MRTFB: variants seen among roughly 807,000 people sequenced by gnomAD.
MRTFB encodes myocardin related transcription factor B.
MRTFB carries 29 observed loss-of-function variants against 104.2 expected under a neutral mutation model. That is an observed-to-expected ratio of 0.28 (90% CI 0.21 to 0.38). The LOEUF is 0.38. Among genes scored for constraint, MRTFB ranks in the 10% least tolerant of loss-of-function variants. The pLI is 1.00. For synonymous variants in MRTFB, 535 were observed against 519.5 expected (o/e 1.03, Z -0.41); for missense variants, 1,270 against 1,341.6 (o/e 0.95, Z 0.83).
At chr16:14,240,910 G>T in intron 10 of MRTFB, 1 of 611,470 alleles carries the variant, frequency 1.6e-6, no homozygotes, top group Non-Finnish European at 2.9e-6. Flanking sequence ...TAGAAGGCTC[G>T]AGAAGGGCCT....
intron 3 of MRTFB, among the ~76,000 whole-genome samples, chr16:14,203,868 A>AT (rs1491284865): frequency 6.6e-6 from 1 of 151,972 alleles, no homozygotes; most frequent in Non-Finnish European, 1.5e-5. Flanking sequence ...GAGGAAAGAC[A>AT]TATCTTGGTT....
intron 13 of MRTFB, among the ~76,000 whole-genome samples, chr16:14,250,743 G>C (rs577182696): frequency 6.6e-6 from 1 of 152,336 alleles, no homozygotes; most frequent in South Asian, 2.1e-4. Context: ...TATGCCGCAA[G>C]GCTGCTGCAG....
chr16:14,251,055 GATT>G (rs1472313806), intron 13 of MRTFB, among the ~76,000 whole-genome samples: 1 of 152,146 alleles, frequency 6.6e-6, no homozygotes, highest in Admixed American at 6.5e-5. Context: ...AGTGGCTTGG[GATT>G]ATTAGCTTAG....
At chr16:14,240,195 G>A (rs1453104541) in intron 9 of MRTFB, 42 bp from the exon 10 acceptor site, 1 of 1,540,098 alleles carries the variant, frequency 6.5e-7, no homozygotes, top group Non-Finnish European at 8.7e-7. Flanking sequence ...ATTTTATGTG[G>A]TGACATCTCT....
At chr16:14,006,410 G>A in the MRTFB span, among the ~76,000 whole-genome samples, 1 of 151,848 alleles carries the variant, frequency 6.6e-6, no homozygotes. Context: ...TGGCTACTCC[G>A]GAGGCTGAGG....
intron 8 of MRTFB, 21 bp downstream of exon 8, chr16:14,219,019 A>G (rs2041561341): frequency 6.4e-7 from 1 of 1,557,648 alleles, no homozygotes; most frequent in African/African-American, 1.4e-5. Context: ...TCTGGTTTTG[A>G]CCCCTAAAGA....
the MRTFB span, among the ~76,000 whole-genome samples, chr16:14,000,197 C>T: frequency 6.6e-6 from 1 of 152,224 alleles, no homozygotes; most frequent in African/African-American, 2.4e-5. Flanking sequence ...GCAGCACTCG[C>T]TTCTCTGGCT....
At chr16:14,083,432 G>A (rs2034523100) in intron 2 of MRTFB, among the ~76,000 whole-genome samples, 1 of 152,178 alleles carries the variant, frequency 6.6e-6, no homozygotes, top group Non-Finnish European at 1.5e-5. Context: ...TGCCTCATAG[G>A]GGATACAGGC....
chr16:14,235,424 T>C (rs934204577), intron 9 of MRTFB, among the ~76,000 whole-genome samples: 3 of 152,090 alleles, frequency 2.0e-5, no homozygotes, highest in Non-Finnish European at 4.4e-5. Context: ...GCACAGAGGG[T>C]CTGCGTGCAC....
intron 3 of MRTFB, among the ~76,000 whole-genome samples, chr16:14,160,162 C>T (rs1320159763): frequency 6.6e-6 from 1 of 152,106 alleles, no homozygotes; most frequent in Non-Finnish European, 1.5e-5. Context: ...AATCAAGGAT[C>T]TAGTCAAGTA....
At chr16:14,103,512 A>G (rs1057255899) in intron 2 of MRTFB, among the ~76,000 whole-genome samples, 6 of 152,148 alleles carry the variant, frequency 3.9e-5, no homozygotes, top group Admixed American at 1.3e-4. Context: ...GCCTTTACTC[A>G]GTGCTGATTA....
intron 12 of MRTFB, 180 bp downstream of exon 12, chr16:14,247,687 T>C (rs1414151780): frequency 3.3e-6 from 2 of 614,168 alleles, no homozygotes; most frequent in African/African-American, 1.8e-5. Context: ...TGTTTTTATA[T>C]AGTGAAAAAA....
At chr16:14,146,547 A>G (rs2038326444) in intron 3 of MRTFB, among the ~76,000 whole-genome samples, 1 of 152,130 alleles carries the variant, frequency 6.6e-6, no homozygotes, top group South Asian at 2.1e-4. Context: ...ACACAAGAGA[A>G]CCCAAGATGG....
the MRTFB span, among the ~76,000 whole-genome samples, chr16:14,053,692 T>C: frequency 6.8e-6 from 1 of 147,888 alleles, no homozygotes; most frequent in South Asian, 2.1e-4. Context: ...ACTGCACCAC[T>C]GCACTCCAGC....
chr16:14,179,831 G>C (rs1180320009), intron 3 of MRTFB, among the ~76,000 whole-genome samples: 1 of 152,186 alleles, frequency 6.6e-6, no homozygotes, highest in East Asian at 1.9e-4. Context: ...CATCCTACAG[G>C]CTTTTCCTTA....
intron 3 of MRTFB, among the ~76,000 whole-genome samples, chr16:14,183,159 A>C (rs970826439): frequency 6.6e-6 from 1 of 152,182 alleles, no homozygotes; most frequent in Non-Finnish European, 1.5e-5. Context: ...AATATACTTG[A>C]ATTTGTGTAT....
chr16:14,142,004 A>C (rs1016191400), intron 3 of MRTFB: 2 of 151,546 alleles, frequency 1.3e-5, no homozygotes, highest in African/African-American at 4.9e-5. Context: ...ATGCCCAGCT[A>C]ATTTTTTGTA....
chr16:14,210,169 T>C, intron 3 of MRTFB, 74 bp from the exon 4 acceptor site: 1 of 1,106,860 alleles, frequency 9.0e-7, no homozygotes, highest in South Asian at 1.4e-5. Flanking sequence ...CTTAATTGCA[T>C]CTCCTCTGGA....
chr16:14,034,800 C>T, the MRTFB span, among the ~76,000 whole-genome samples: 8 of 152,264 alleles, frequency 5.3e-5, no homozygotes, highest in East Asian at 1.5e-3. Flanking sequence ...CATCCATTCA[C>T]AGGTACTGGG....
Sources: gnomAD v4.1 joint callset for allele counts (sites outside exome capture counted in the v4.1 genomes callset) on GRCh38, gnomAD v4.1.1 for gene constraint, MANE v1.5 for transcripts, NCBI Gene and HGNC (gene_info 2026-07-23, HGNC 2026-07-21) for gene names.